LDB2: variants seen among roughly 807,000 people sequenced by gnomAD.
The protein encoded by LDB2 is LIM domain binding 2.
In LDB2, 12 loss-of-function variants were observed where a neutral mutation model predicts 44.3. The ratio of observed to expected loss-of-function variants is 0.27; its 90% CI spans 0.17 to 0.44. The LOEUF is 0.44. Among genes scored for constraint, LDB2 ranks in the 20% least tolerant of loss-of-function variants. The pLI, the probability that LDB2 is intolerant of heterozygous loss-of-function variation, is 1.00. For missense variants in LDB2, 344 were observed against 473.5 expected (o/e 0.73, Z 2.54); for synonymous variants, 164 against 174.8 (o/e 0.94, Z 0.49).
At chr4:16,614,524 A>G (rs532274816) in intron 2 of LDB2, among the ~76,000 whole-genome samples, 2 of 151,536 alleles carry the variant, frequency 1.3e-5, no homozygotes, top group South Asian at 2.1e-4. Context: ...TATCCCTCTG[A>G]CAAAGGTCTA....
At chr4:16,694,548 T>A (rs1451604516) in intron 2 of LDB2, among the ~76,000 whole-genome samples, 2 of 152,248 alleles carry the variant, frequency 1.3e-5, no homozygotes, top group African/African-American at 4.8e-5. Context: ...CTGGGGAATG[T>A]CTACCGAGGT....
chr4:16,672,828 C>CTGCCTTCTTTCT (rs546908215), intron 2 of LDB2, among the ~76,000 whole-genome samples: 31 of 147,116 alleles, frequency 2.1e-4, no homozygotes, highest in African/African-American at 7.8e-4. Flanking sequence ...GCCTGCCTGC[C>CTGCCTTCTTTCT]TTCTTTCCTT....
chr4:16,794,390 A>T (rs1226294065), intron 1 of LDB2, among the ~76,000 whole-genome samples: 2 of 152,184 alleles, frequency 1.3e-5, no homozygotes, highest in Non-Finnish European at 2.9e-5. Flanking sequence ...CTCAGCTATC[A>T]CTGTACCTTC....
At chr4:16,854,656 C>A (rs1228111931) in intron 1 of LDB2, among the ~76,000 whole-genome samples, 1 of 150,134 alleles carries the variant, frequency 6.7e-6, no homozygotes, top group Non-Finnish European at 1.5e-5. Context: ...AAGTAATATA[C>A]TTTACGTCTA....
At chr4:16,663,190 A>G (rs867824103) in intron 2 of LDB2, among the ~76,000 whole-genome samples, 4 of 152,162 alleles carry the variant, frequency 2.6e-5, no homozygotes, top group Admixed American at 2.6e-4. Flanking sequence ...GGTTCACTCT[A>G]AAGTGAATTG....
intron 2 of LDB2, among the ~76,000 whole-genome samples, chr4:16,705,323 T>A (rs1482486491): frequency 6.6e-6 from 1 of 152,050 alleles, no homozygotes; most frequent in African/African-American, 2.4e-5. Context: ...ATAGGCAGGG[T>A]CTATTTTTTC....
chr4:16,775,896 C>T (rs1771779565), intron 1 of LDB2, among the ~76,000 whole-genome samples: 1 of 152,168 alleles, frequency 6.6e-6, no homozygotes, highest in Admixed American at 6.5e-5. Flanking sequence ...TTTTGCACAC[C>T]AACCTCAAAT....
In LDB2 at chr4:16,882,791, A is replaced by G. The variant is rs1295222224; in HGVS notation, c.132+15563T>C. ...GGTTTAAATCACCATCCCAGCAAGC[A>G]GTTTTTAAAATAGTACACACAAGTG... On this transcript the variant is annotated intron_variant, in intron 1 of 7. Coordinates refer to ENST00000304523, the MANE Select transcript of LDB2 (RefSeq NM_001290.5). Among the ~76,000 whole-genome samples the G allele has an allele frequency of 2.6e-5, 4 of 152,204 alleles. 1 individual carries two copies. In the East Asian group the frequency reaches 5.8e-4, roughly 22 times the overall value.
chr4:16,686,887 G>A (rs1283659351), intron 2 of LDB2, among the ~76,000 whole-genome samples: 1 of 151,982 alleles, frequency 6.6e-6, no homozygotes, highest in East Asian at 1.9e-4. Flanking sequence ...GTGGGGTTGG[G>A]GGGATCCTTA....
At chr4:16,692,723 G>A (rs553700586) in intron 2 of LDB2, among the ~76,000 whole-genome samples, 1 of 152,132 alleles carries the variant, frequency 6.6e-6, no homozygotes, top group Non-Finnish European at 1.5e-5. Flanking sequence ...CAGATATGAT[G>A]ATTTGTCTTG....
intron 2 of LDB2, among the ~76,000 whole-genome samples, chr4:16,729,898 A>AT (rs1381909062): frequency 1.3e-5 from 2 of 152,098 alleles, no homozygotes; most frequent in Non-Finnish European, 2.9e-5. Flanking sequence ...ATTAGCATTG[A>AT]TTTTTAACAC....
At chr4:16,668,377 C>T (rs142719813) in intron 2 of LDB2, among the ~76,000 whole-genome samples, 13 of 152,254 alleles carry the variant, frequency 8.5e-5, no homozygotes, top group East Asian at 7.7e-4. Flanking sequence ...CCCTCTGGGG[C>T]GACATAGCAC....
chr4:16,507,089 C>T (rs1025537303), intron 7 of LDB2: 1 of 151,986 alleles, frequency 6.6e-6, no homozygotes, highest in African/African-American at 2.4e-5. Context: ...TCTTTATTTC[C>T]CTCTTTTGGC....
chr4:16,895,553 T>C (rs1724730359), intron 1 of LDB2, among the ~76,000 whole-genome samples: 1 of 151,956 alleles, frequency 6.6e-6, no homozygotes, highest in Non-Finnish European at 1.5e-5. Flanking sequence ...TTTGTGTGTG[T>C]GTGTGTGTGA....
intron 2 of LDB2, among the ~76,000 whole-genome samples, chr4:16,684,103 G>C (rs1334117790): frequency 6.6e-6 from 1 of 152,198 alleles, no homozygotes; most frequent in Non-Finnish European, 1.5e-5. Flanking sequence ...AATGGGAACT[G>C]ATCTATTAAG....
intron 2 of LDB2, among the ~76,000 whole-genome samples, chr4:16,660,694 G>A (rs375987991): frequency 6.6e-6 from 1 of 152,272 alleles, no homozygotes; most frequent in African/African-American, 2.4e-5. Context: ...TGTTACTGCT[G>A]TACAGAACAA....
intron 1 of LDB2, among the ~76,000 whole-genome samples, chr4:16,791,292 C>T (rs1356857942): frequency 6.6e-6 from 1 of 152,086 alleles, no homozygotes; most frequent in Non-Finnish European, 1.5e-5. Context: ...CGGGGTGACT[C>T]ACACCTGTAA....
At chr4:16,835,606 C>T (rs546538866) in intron 1 of LDB2, among the ~76,000 whole-genome samples, 2 of 152,100 alleles carry the variant, frequency 1.3e-5, no homozygotes, top group Non-Finnish European at 2.9e-5. Context: ...TTAATTTCCC[C>T]TAGGTAATTA....
At chr4:16,879,855 T>C (rs1350081445) in intron 1 of LDB2, among the ~76,000 whole-genome samples, 1 of 152,072 alleles carries the variant, frequency 6.6e-6, no homozygotes, top group Non-Finnish European at 1.5e-5. Flanking sequence ...CAATTTAACA[T>C]CTCCATGAAG....
Sources: allele counts gnomAD v4.1 joint callset (sites outside exome capture counted in the v4.1 genomes callset), GRCh38; gene constraint gnomAD v4.1.1; transcripts MANE v1.5; gene names NCBI Gene and HGNC (gene_info 2026-07-23, HGNC 2026-07-21).